The following RAB3GAP2 variants were observed in gnomAD, a reference collection of about 807,000 sequenced individuals.
RAB3GAP2 encodes the protein rab3 GTPase-activating protein non-catalytic subunit.
Under a neutral mutation model 185.3 loss-of-function variants are expected in RAB3GAP2, and 87 were observed. That is an observed-to-expected ratio of 0.47 (90% CI 0.39 to 0.56). The LOEUF (loss-of-function observed/expected upper bound fraction) is 0.56. Ranked by LOEUF, RAB3GAP2 falls within the 20% of genes least tolerant of loss-of-function variation. The pLI is 0.00. For synonymous variants in RAB3GAP2, 554 were observed against 576.1 expected, an observed-to-expected ratio of 0.96 and a Z score of 0.55; for missense variants, 1,492 against 1,638.2, an observed-to-expected ratio of 0.91 and a Z score of 1.54.
At chr1:220,262,282 C>T (rs1467205187) in intron 1 of RAB3GAP2, among the ~76,000 whole-genome samples, 2 of 151,918 alleles carry the variant, frequency 1.3e-5, no homozygotes, top group African/African-American at 2.4e-5. Context: ...GCCTGGGCGA[C>T]AGAGCAAGAC....
chr1:220,210,303 T>C (rs953042325), intron 7 of RAB3GAP2, 85 bp downstream of exon 7: 4 of 984,618 alleles, frequency 4.1e-6, no homozygotes, highest in Admixed American at 3.4e-5. Flanking sequence ...CAAAGATCTC[T>C]TTTAAGTTTC....
chr1:220,179,342 T>C (rs1390455422), intron 21 of RAB3GAP2, among the ~76,000 whole-genome samples: 3 of 151,478 alleles, frequency 2.0e-5, no homozygotes, highest in Non-Finnish European at 4.4e-5. Flanking sequence ...TAAGTATATA[T>C]GCACCCAACA....
intron 7 of RAB3GAP2, among the ~76,000 whole-genome samples, chr1:220,209,815 A>T (rs1437085462): frequency 6.6e-6 from 1 of 152,222 alleles, no homozygotes; most frequent in African/African-American, 2.4e-5. Flanking sequence ...TATTGGTTTA[A>T]ATGGCCCTAC....
rs1429045390 is a variant in RAB3GAP2 at position 220,191,474 on chromosome 1, T to C, written c.1271-190A>G. 2.6e-5 allele frequency among the ~76,000 whole-genome samples: 4 copies of C among 152,302 alleles called. No individual in the cohort carries two copies. The East Asian group carries it at 7.7e-4, about 29-fold the overall frequency. ...ATAACCAGTCTATCACCCAGCCTTA[T>C]CAAATCTTACTATTTTGCTATATTT... On this transcript the variant is annotated intron_variant, in intron 13 of 34. Coordinates refer to ENST00000358951, the MANE Select transcript of RAB3GAP2 (RefSeq NM_012414.4).
intron 1 of RAB3GAP2, among the ~76,000 whole-genome samples, chr1:220,248,703 T>C (rs1007401707): frequency 6.6e-6 from 1 of 152,040 alleles, no homozygotes; most frequent in Non-Finnish European, 1.5e-5. Flanking sequence ...AAAGTAGTGA[T>C]ATGGCTTGTG....
At chr1:220,171,183 G>A (rs1397955001) in intron 23 of RAB3GAP2, 63 bp from the exon 24 acceptor site, 1 of 1,444,012 alleles carries the variant, frequency 6.9e-7, no homozygotes, top group South Asian at 1.2e-5. Context: ...ACTTGAATGA[G>A]CTTTTAACTT....
intron 1 of RAB3GAP2, among the ~76,000 whole-genome samples, chr1:220,255,800 T>C (rs1307082811): frequency 2.0e-5 from 3 of 152,140 alleles, no homozygotes; most frequent in Admixed American, 2.0e-4. Flanking sequence ...ACCAAATCTA[T>C]GACTGATTGG....
chr1:220,229,597 T>C (rs537211318), intron 2 of RAB3GAP2, among the ~76,000 whole-genome samples: 1 of 152,304 alleles, frequency 6.6e-6, no homozygotes, highest in South Asian at 2.1e-4. Context: ...GTAGATATCT[T>C]TAAGGACAAC....
chr1:220,183,732 A>G (rs1330548612), intron 19 of RAB3GAP2, among the ~76,000 whole-genome samples: 1 of 152,188 alleles, frequency 6.6e-6, no homozygotes, highest in African/African-American at 2.4e-5. Context: ...GTATCTACAT[A>G]TAAGTCCTGT....
At position 220,247,598 on chromosome 1, in the gene RAB3GAP2, G is replaced by A. The variant is rs11118511; in HGVS notation, c.116-14735C>T. Among the ~76,000 whole-genome samples the A allele has an allele frequency of 9.1e-3, 1,392 of 152,206 alleles. 23 individuals are homozygous for A. The highest frequency in any genetic ancestry group is 0.032 in the African/African-American group (1,309 of 41,524). ...ATAATGAACTCTGAGGACTCGATGA[G>A]GGGAGGTTGGGAGGGAGATGAAGGA... On this transcript the variant is annotated intron_variant, in intron 1 of 34. Transcript: ENST00000358951.
intron 8 of RAB3GAP2, among the ~76,000 whole-genome samples, chr1:220,204,266 T>C (rs1240888664): frequency 1.3e-5 from 2 of 152,166 alleles, no homozygotes; most frequent in Non-Finnish European, 2.9e-5. Flanking sequence ...TTCTAGTAAA[T>C]GCTTTTTTAC....
chr1:220,190,100 G>A lies in RAB3GAP2; in HGVS notation c.1678C>T (p.Leu560=), dbSNP rs762348219. 28 of 1,613,368 alleles carry A rather than the reference G, an allele frequency of 1.7e-5. No homozygotes were observed. Among genetic ancestry groups the A allele is most frequent in the Non-Finnish European group, 2.3e-5 (27 of 1,179,568 alleles). The part of the protein sequence containing the change: ...RAKDMHLVKK[L]AALLKTKSPN... ...GATTTTGTTTTCAGTAAGGCTGCTA[G>A]TTTCTTCACTAGGTGCATATCCTTG... Residue 560 remains leucine, a synonymous_variant, in exon 16 of 35, where the codon CTA becomes TTA. Coordinates refer to ENST00000358951, the MANE Select transcript of RAB3GAP2 (RefSeq NM_012414.4).
At chr1:220,250,548 G>T (rs750788449) in intron 1 of RAB3GAP2, among the ~76,000 whole-genome samples, 1 of 152,172 alleles carries the variant, frequency 6.6e-6, no homozygotes, top group African/African-American at 2.4e-5. Context: ...CTGTTGGAAG[G>T]ACATGATTGT....
intron 2 of RAB3GAP2, among the ~76,000 whole-genome samples, chr1:220,217,993 C>A (rs1558159498): frequency 6.6e-6 from 1 of 152,226 alleles, no homozygotes; most frequent in East Asian, 1.9e-4. Context: ...AAAAGGACTA[C>A]CCATGACAAA....
chr1:220,235,631 C>T (rs1659577083), intron 1 of RAB3GAP2, among the ~76,000 whole-genome samples: 1 of 152,126 alleles, frequency 6.6e-6, no homozygotes, highest in African/African-American at 2.4e-5. Context: ...CTTCAAAGAG[C>T]TTAGTTTGTG....
chr1:220,238,863 G>A (rs1343382677), intron 1 of RAB3GAP2, among the ~76,000 whole-genome samples: 3 of 152,136 alleles, frequency 2.0e-5, no homozygotes, highest in Non-Finnish European at 2.9e-5. Flanking sequence ...TAGTTAACAT[G>A]TACTTATCTA....
chr1:220,179,867 G>A (rs950500381), intron 21 of RAB3GAP2, among the ~76,000 whole-genome samples: 4 of 152,164 alleles, frequency 2.6e-5, no homozygotes, highest in Non-Finnish European at 5.9e-5. Context: ...CAAAAGGAGT[G>A]CTAAGAGGGA....
chr1:220,151,891 T>A, intron 33 of RAB3GAP2, 127 bp from the exon 34 acceptor site: 1 of 992,400 alleles, frequency 1.0e-6, no homozygotes, highest in Non-Finnish European at 1.5e-6. Flanking sequence ...CTTTTGATTG[T>A]ATACAACCAA....
At position 220,245,361 on chromosome 1, in the gene RAB3GAP2, G is replaced by A. The variant is rs551215266; in HGVS notation, c.116-12498C>T. Among the ~76,000 whole-genome samples, 103 of 152,344 alleles carry A rather than the reference G, an allele frequency of 6.8e-4. 1 individual carries two copies. The highest frequency in any genetic ancestry group is 6.8e-3 in the Middle Eastern group (2 of 294). On this transcript the variant is annotated intron_variant, in intron 1 of 34. Transcript: ENST00000358951. The stretch of plus-strand genomic sequence containing the variant: ...CGAGGCATTGCCTCACTTGGGAAGC[G>A]CAAGGGGTCAGGGAGGTCCCTTTGC...
Sources: allele counts gnomAD v4.1 joint callset (sites outside exome capture counted in the v4.1 genomes callset), GRCh38; gene constraint gnomAD v4.1.1; transcripts MANE v1.5; gene names NCBI Gene and HGNC (gene_info 2026-07-23, HGNC 2026-07-21).